FCHO2: variants seen among roughly 807,000 people sequenced by gnomAD.
FCHO2 encodes F-BAR domain only protein 2.
FCHO2 carries 43 observed loss-of-function variants against 114.1 expected under a neutral mutation model. The observed-to-expected ratio is 0.38, with a 90% CI of 0.30 to 0.49. The LOEUF is 0.49. Among genes scored for constraint, FCHO2 ranks in the 20% least tolerant of loss-of-function variants. The probability of loss-of-function intolerance (pLI) is 0.97; values close to 1 mark genes in which losing one functional copy is unlikely to be tolerated. For missense variants in FCHO2, 807 were observed against 950.4 expected (o/e 0.85, Z 1.98); for synonymous variants, 293 against 315.2 (o/e 0.93, Z 0.75).
At chr5:72,968,171 A>G (rs1752309809) in intron 1 of FCHO2, among the ~76,000 whole-genome samples, 1 of 149,194 alleles carries the variant, frequency 6.7e-6, no homozygotes, top group African/African-American at 2.5e-5. Flanking sequence ...TGATCCGCCC[A>G]CCTCGGCCTC....
At chr5:73,056,467 AT>A in intron 16 of FCHO2, among the ~76,000 whole-genome samples, 1 of 152,222 alleles carries the variant, frequency 6.6e-6, no homozygotes, top group South Asian at 2.1e-4. Flanking sequence ...ACACACTTAC[AT>A]TTTAAGTATC....
At chr5:73,003,006 A>G (rs994473905) in intron 5 of FCHO2, among the ~76,000 whole-genome samples, 3 of 152,092 alleles carry the variant, frequency 2.0e-5, no homozygotes, top group Non-Finnish European at 4.4e-5. Flanking sequence ...TTTTATTTTT[A>G]TGATATTTGT....
chr5:73,066,575 CTTTT>C (rs3054234), intron 18 of FCHO2, among the ~76,000 whole-genome samples: 4 of 101,416 alleles, frequency 3.9e-5, no homozygotes, highest in African/African-American at 7.1e-5. Context: ...AGTGCCTTTT[CTTTT>C]TTTTTTTTTT....
intron 6 of FCHO2, among the ~76,000 whole-genome samples, chr5:73,010,284 A>G (rs978826256): frequency 6.6e-6 from 1 of 152,186 alleles, no homozygotes; most frequent in Non-Finnish European, 1.5e-5. Context: ...ATTTAGGTTT[A>G]GGATAAAAAT....
chr5:73,068,752 T>C lies in FCHO2; in HGVS notation c.1552T>C (p.Leu518=). 6.2e-7 allele frequency: 1 copy of C among 1,612,292 alleles called. No homozygotes were observed. Among genetic ancestry groups the C allele is most frequent in the Non-Finnish European group, 8.5e-7 (1 of 1,178,874 alleles). The change falls in exon 19 of 26, where the codon TTG becomes CTG. Residue 518 remains leucine, a synonymous_variant. Coordinates refer to ENST00000430046, the MANE Select transcript of FCHO2 (RefSeq NM_138782.3). ...SSSSISSSAS[L]SAANTPTVGV... ...TTCTTCTATCTCATCATCTGCTTCA[T>C]TGAGTGCTGCCAATACTCCAACAGT... is the stretch of plus-strand genomic sequence containing the variant.
At chr5:72,997,391 T>C (rs763855792) in intron 5 of FCHO2, 254 of 1,598,250 alleles carry the variant, frequency 1.6e-4, no homozygotes, top group Non-Finnish European at 2.0e-4. Flanking sequence ...CGGACAGCAC[T>C]GCACTTTGGA....
chr5:72,993,708 A>G (rs532596369), intron 5 of FCHO2, among the ~76,000 whole-genome samples: 2 of 152,198 alleles, frequency 1.3e-5, no homozygotes, highest in Admixed American at 6.5e-5. Context: ...CAATGCTTTG[A>G]TATTTCAGTT....
intron 13 of FCHO2, 28 bp downstream of exon 13, chr5:73,052,535 A>G (rs1757389419): frequency 2.0e-6 from 3 of 1,524,198 alleles, no homozygotes; most frequent in Non-Finnish European, 2.6e-6. Flanking sequence ...TGTACTCTTT[A>G]TATAAAAGTC....
intron 24 of FCHO2, among the ~76,000 whole-genome samples, chr5:73,084,092 T>C (rs1041800032): frequency 1.3e-5 from 2 of 152,204 alleles, no homozygotes; most frequent in African/African-American, 4.8e-5. Context: ...CTGTCCTAGC[T>C]GATCACTTCT....
intron 5 of FCHO2, chr5:72,997,717 C>T (rs1754200531): frequency 8.0e-6 from 12 of 1,499,810 alleles, no homozygotes; most frequent in Non-Finnish European, 1.1e-5. Flanking sequence ...CCGTTTGATG[C>T]CCTGTCCAAT....
chr5:73,086,455 C>T (rs1467441654), intron 24 of FCHO2, among the ~76,000 whole-genome samples: 1 of 152,232 alleles, frequency 6.6e-6, no homozygotes, highest in Non-Finnish European at 1.5e-5. Context: ...CAGGATCTTA[C>T]TGCTAGTACC....
At position 73,087,728 on chromosome 5, in the gene FCHO2, C is replaced by T. The variant is rs1743358234; in HGVS notation, c.2385C>T (p.Ser795=). 6.3e-7 allele frequency: 1 copy of T among 1,586,978 alleles called. No homozygotes were observed. Among genetic ancestry groups the T allele is most frequent in the Admixed American group, 1.9e-5 (1 of 53,338 alleles). The part of the protein sequence containing the change: ...FELVGTGYRL[S]LIKKRFATGR... ...TTGTGGGCACTGGCTATAGGCTTTC[C>T]TTAATAAAGAAGCGGTTTGCTACTG... Residue 795 remains serine, a synonymous_variant, in exon 25 of 26, where the codon TCC becomes TCT. Coordinates refer to ENST00000430046, the MANE Select transcript of FCHO2 (RefSeq NM_138782.3).
chr5:73,048,631 G>A (rs1006851084), intron 11 of FCHO2, among the ~76,000 whole-genome samples: 2 of 151,950 alleles, frequency 1.3e-5, no homozygotes, highest in African/African-American at 4.8e-5. Context: ...AATAATCTTC[G>A]ATGAATAACC....
intron 6 of FCHO2, among the ~76,000 whole-genome samples, chr5:73,008,650 A>G (rs1561443682): frequency 6.6e-6 from 1 of 152,300 alleles, no homozygotes; most frequent in East Asian, 1.9e-4. Flanking sequence ...ACAGTTCCTT[A>G]TCCACAATTC....
At chr5:73,013,513 A>G (rs1050507380) in intron 6 of FCHO2, among the ~76,000 whole-genome samples, 7 of 152,222 alleles carry the variant, frequency 4.6e-5, no homozygotes, top group African/African-American at 1.2e-4. Context: ...GTAGCTCAGC[A>G]TTTCCCAAAG....
intron 2 of FCHO2, among the ~76,000 whole-genome samples, chr5:72,973,020 A>G (rs1752655654): frequency 6.6e-6 from 1 of 152,260 alleles, no homozygotes; most frequent in Non-Finnish European, 1.5e-5. Flanking sequence ...ATTTGCGTAT[A>G]TTGAACCAGC....
At chr5:73,087,550 A>G (rs1383769632) in intron 24 of FCHO2, 39 bp from the exon 25 acceptor site, 2 of 1,602,426 alleles carry the variant, frequency 1.2e-6, no homozygotes, top group African/African-American at 1.3e-5. Context: ...TTTGAAATGT[A>G]TTTTACCCTG....
intron 11 of FCHO2, among the ~76,000 whole-genome samples, chr5:73,045,265 C>T (rs1035609991): frequency 6.6e-6 from 1 of 152,170 alleles, no homozygotes; most frequent in Non-Finnish European, 1.5e-5. Context: ...TTTCCTTACG[C>T]CTTCCTTAAC....
intron 18 of FCHO2, among the ~76,000 whole-genome samples, chr5:73,065,290 AT>A (rs140369217): frequency 4.6e-5 from 7 of 151,394 alleles, no homozygotes; most frequent in South Asian, 2.1e-4. Context: ...TAATAAATTG[AT>A]TTTTTTTTCC....
Sources: allele counts gnomAD v4.1 joint callset (sites outside exome capture counted in the v4.1 genomes callset), GRCh38; gene constraint gnomAD v4.1.1; transcripts MANE v1.5; gene names NCBI Gene and HGNC (gene_info 2026-07-23, HGNC 2026-07-21).